The following PPP1R13B variants were observed in gnomAD, a reference collection of about 807,000 sequenced individuals.
PPP1R13B encodes protein phosphatase 1 regulatory subunit 13B, also known as apoptosis-stimulating of p53 protein 1.
PPP1R13B carries 44 observed loss-of-function variants against 119.8 expected under a neutral mutation model. The observed-to-expected ratio is 0.37, with a 90% CI of 0.29 to 0.47. PPP1R13B has a LOEUF of 0.47. PPP1R13B is among the 20% of genes least tolerant of loss of function. The pLI, the probability that PPP1R13B is intolerant of heterozygous loss-of-function variation, is 0.99. For synonymous variants in PPP1R13B, 542 were observed against 561.5 expected, an observed-to-expected ratio of 0.97 and a Z score of 0.49; for missense variants, 1,227 against 1,413.5, an observed-to-expected ratio of 0.87 and a Z score of 2.12.
intron 5 of PPP1R13B, among the ~76,000 whole-genome samples, chr14:103,754,969 A>C (rs929903972): frequency 2.0e-5 from 3 of 151,990 alleles, no homozygotes; most frequent in African/African-American, 7.2e-5. Context: ...TTTTTAGTAG[A>C]GACAGGGTTT....
intron 1 of PPP1R13B, among the ~76,000 whole-genome samples, chr14:103,829,927 C>T (rs1419545124): frequency 1.3e-5 from 2 of 151,886 alleles, no homozygotes; most frequent in African/African-American, 2.4e-5. Flanking sequence ...TACAGATGCA[C>T]GCCACCATGC....
chr14:103,734,325 G>GCCCCAA lies in PPP1R13B; in HGVS notation c.*823_*828dup, dbSNP rs1415918430. On this transcript the variant is annotated 3_prime_UTR_variant, in exon 17 of 17. Transcript: ENST00000202556. ...CTGCCCTCACACCAGTCCACCCCCA[G>GCCCCAA]CCCCAACCCCAACCACCCTCCGCTG... 5 of 366,702 alleles carry GCCCCAA rather than the reference G, an allele frequency of 1.4e-5. No homozygotes were observed. Among genetic ancestry groups the GCCCCAA allele is most frequent in the South Asian group, 7.9e-5 (4 of 50,802 alleles). The allele number at this position is 366,702 out of a possible 1,614,324, so 22.7% of individuals were successfully genotyped here.
intron 4 of PPP1R13B, among the ~76,000 whole-genome samples, chr14:103,771,381 G>C (rs1225951715): frequency 6.6e-6 from 1 of 151,604 alleles, no homozygotes; most frequent in Non-Finnish European, 1.5e-5. Flanking sequence ...GTCACGTTCA[G>C]ATTGAGAAAT....
intron 2 of PPP1R13B, among the ~76,000 whole-genome samples, chr14:103,793,612 C>T (rs1567128372): frequency 6.6e-6 from 1 of 152,016 alleles, no homozygotes; most frequent in South Asian, 2.1e-4. Context: ...CTACCCTATA[C>T]ATATCATGTA....
chr14:103,785,010 A>G, intron 2 of PPP1R13B, 96 bp from the exon 3 acceptor site: 1 of 1,085,372 alleles, frequency 9.2e-7, no homozygotes, highest in Non-Finnish European at 1.3e-6. Flanking sequence ...ATATATGCAC[A>G]CATGTATGTC....
At chr14:103,735,244 C>CA (rs2084069001) in intron 16 of PPP1R13B, 49 bp from the exon 17 acceptor site, 13 of 1,600,668 alleles carry the variant, frequency 8.1e-6, no homozygotes, top group Non-Finnish European at 1.1e-5. Flanking sequence ...ACACAGGGAG[C>CA]AGGGCCAGCC....
intron 1 of PPP1R13B, among the ~76,000 whole-genome samples, chr14:103,843,672 C>T (rs1228094787): frequency 6.6e-6 from 1 of 152,096 alleles, no homozygotes; most frequent in African/African-American, 2.4e-5. Flanking sequence ...GTGGAAAGGA[C>T]GGCAGAGCGC....
In PPP1R13B at chr14:103,753,065, A is replaced by G; in HGVS notation, c.763T>C (p.Ser255Pro). 1 of 1,614,168 alleles carries G rather than the reference A, an allele frequency of 6.2e-7. No homozygotes were observed. Among genetic ancestry groups the G allele is most frequent in the Non-Finnish European group, 8.5e-7 (1 of 1,180,048 alleles). ...GGTCCCGTCAATTTGCCATTGTAAG[A>G]CTGGAACCCATTCAGTTTTCCTTTC... ...LKKGKLNGFQ[S>P]YNGKLTGPAA... Residue 255 changes from serine to proline, a missense_variant, in exon 7 of 17, where the codon TCT (serine) becomes CCT (proline). Coordinates refer to ENST00000202556, the MANE Select transcript of PPP1R13B (RefSeq NM_015316.3).
At chr14:103,768,098 G>C (rs1340478842) in intron 4 of PPP1R13B, among the ~76,000 whole-genome samples, 4 of 149,452 alleles carry the variant, frequency 2.7e-5, no homozygotes, top group African/African-American at 9.9e-5. Context: ...AAGCCTCCGT[G>C]GTAGTCACCT....
rs748715019 is a variant in PPP1R13B at position 103,746,443 on chromosome 14, C to T, written c.1080G>A (p.Val360=). 6.2e-7 allele frequency: 1 copy of T among 1,614,126 alleles called. No homozygotes were observed. Among genetic ancestry groups the T allele is most frequent in the African/African-American group, 1.3e-5 (1 of 75,038 alleles). ...IQVPSAGSFP[V]LGDPIKPQSL... is the part of the protein sequence containing the mutation. ...ACTGGGGCTTTATAGGGTCCCCCAG[C>T]ACAGGAAAGCTTCCGGCACTGGGAA... The change falls in exon 9 of 17, where the codon GTG becomes GTA. Residue 360 remains valine, a synonymous_variant. Coordinates refer to ENST00000202556, the MANE Select transcript of PPP1R13B (RefSeq NM_015316.3).
intron 1 of PPP1R13B, among the ~76,000 whole-genome samples, chr14:103,819,914 T>C (rs900991515): frequency 1.3e-5 from 2 of 152,150 alleles, no homozygotes; most frequent in African/African-American, 4.8e-5. Context: ...ACCTGAGTTG[T>C]AAAAAAGGCT....
chr14:103,766,827 G>A (rs1020094875), intron 4 of PPP1R13B, among the ~76,000 whole-genome samples: 4 of 152,062 alleles, frequency 2.6e-5, no homozygotes, highest in African/African-American at 7.2e-5. Context: ...GGATGGTCTC[G>A]ATCTCTTGAC....
At chr14:103,780,828 G>T (rs2085320252) in intron 3 of PPP1R13B, among the ~76,000 whole-genome samples, 1 of 150,880 alleles carries the variant, frequency 6.6e-6, no homozygotes, top group Non-Finnish European at 1.5e-5. Context: ...AAAAAAGAAA[G>T]GAAAAGAAAA....
At chr14:103,762,348 C>T (rs2084826618) in intron 4 of PPP1R13B, among the ~76,000 whole-genome samples, 1 of 149,860 alleles carries the variant, frequency 6.7e-6, no homozygotes, top group African/African-American at 2.5e-5. Context: ...AAATGGGTCA[C>T]TTCAGATGTC....
intron 1 of PPP1R13B, among the ~76,000 whole-genome samples, chr14:103,803,546 G>C (rs1169041500): frequency 6.6e-6 from 1 of 152,108 alleles, no homozygotes; most frequent in Admixed American, 6.6e-5. Context: ...GGGAGGCTGA[G>C]GCAGGAGAAT....
rs773745279 is a variant in PPP1R13B at position 103,740,400 on chromosome 14, G to C, written c.2016C>G (p.Pro672=). 6.3e-7 allele frequency: 1 copy of C among 1,580,124 alleles called. No individual in the cohort carries two copies. The highest frequency in any genetic ancestry group is 8.6e-7 in the Non-Finnish European group (1 of 1,160,296). ...TVESLPRPLS[P]TKLTPIVHSP... ...AATGCACGATGGGCGTGAGCTTGGT[G>C]GGGCTGAGTGGCCGTGGCAGGCTCT... is the stretch of plus-strand genomic sequence containing the variant. The change falls in exon 12 of 17, where the codon CCC becomes CCG. Residue 672 remains proline (P), a synonymous_variant. Coordinates refer to ENST00000202556, the MANE Select transcript of PPP1R13B (RefSeq NM_015316.3). The surrounding 1 kb of genome is among the most constrained non-coding windows in gnomAD (Gnocchi z 4.6).
At chr14:103,750,829 T>A (rs1272842280) in intron 7 of PPP1R13B, among the ~76,000 whole-genome samples, 1 of 137,748 alleles carries the variant, frequency 7.3e-6, no homozygotes, top group Admixed American at 7.4e-5. Flanking sequence ...AGACTCTGTC[T>A]CAAAAAACAA....
At chr14:103,833,867 G>A (rs2086713914) in intron 1 of PPP1R13B, among the ~76,000 whole-genome samples, 1 of 152,046 alleles carries the variant, frequency 6.6e-6, no homozygotes, top group Non-Finnish European at 1.5e-5. Flanking sequence ...GATTGTTCTC[G>A]ACAATGTGAG....
At chr14:103,765,532 TTTGA>T (rs1490364397) in intron 4 of PPP1R13B, among the ~76,000 whole-genome samples, 11 of 152,298 alleles carry the variant, frequency 7.2e-5, no homozygotes, top group Admixed American at 7.2e-4. Context: ...CAGCAACATC[TTTGA>T]TTGAGCCATC....
Sources: gnomAD v4.1 joint callset for allele counts (sites outside exome capture counted in the v4.1 genomes callset) on GRCh38, gnomAD v4.1.1 for gene constraint, Gnocchi (gnomAD v3.1) non-coding constraint, MANE v1.5 for transcripts, NCBI Gene and HGNC (gene_info 2026-07-23, HGNC 2026-07-21) for gene names.